Variants in RHNO1 observed in about 807,000 individuals in gnomAD.
RHNO1 encodes the protein RAD9-HUS1-RAD1 interacting nuclear orphan 1, also known as RAD9, HUS1, RAD1-interacting nuclear orphan protein 1.
A neutral mutation model predicts 7.2 loss-of-function variants in RHNO1; 9 were observed. The observed-to-expected ratio is 1.25, with a 90% CI of 0.75 to 2.18. The LOEUF is 2.18. RHNO1 is among the 30% of genes most tolerant of loss of function. The pLI is 0.00. For synonymous variants in RHNO1, 95 were observed against 107.5 expected, an observed-to-expected ratio of 0.88 and a Z score of 0.72; for missense variants, 292 against 284.5, an observed-to-expected ratio of 1.03 and a Z score of -0.19.
intron 1 of RHNO1, among the ~76,000 whole-genome samples, chr12:2,881,163 C>T (rs765828442): frequency 1.3e-5 from 2 of 151,976 alleles, no homozygotes; most frequent in Non-Finnish European, 2.9e-5. Context: ...AGTGCAGTGG[C>T]GTGATCTCGG....
chr12:2,883,522 T>A lies in RHNO1; in HGVS notation c.-84-1761T>A, dbSNP rs1405094152. On this transcript the variant is annotated intron_variant, in intron 1 of 2. Coordinates refer to ENST00000489288, the MANE Select transcript of RHNO1 (RefSeq NM_001252499.3). ...ATATATATATATATATTTTTTTTTT[T>A]TTTTTTTTTTTTGAGACGGAGTTTC... Among the ~76,000 whole-genome samples the A allele has an allele frequency of 2.8e-5, 3 of 106,070 alleles. No homozygotes were observed. The East Asian group carries it at 7.8e-4, about 28-fold the overall frequency. 69.6% of individuals were successfully genotyped at this position (106,070 alleles called of 152,430 possible).
intron 1 of RHNO1, among the ~76,000 whole-genome samples, chr12:2,880,068 C>G (rs2153944342): frequency 6.6e-6 from 1 of 152,136 alleles, no homozygotes; most frequent in East Asian, 1.9e-4. Flanking sequence ...AATCCTAGCA[C>G]TTCAGGAGGC....
intron 1 of RHNO1, among the ~76,000 whole-genome samples, chr12:2,882,081 C>T (rs980086460): frequency 6.6e-6 from 1 of 151,818 alleles, no homozygotes; most frequent in Non-Finnish European, 1.5e-5. Flanking sequence ...AGCTGCAACT[C>T]TCATTTACCT....
intron 2 of RHNO1, 145 bp downstream of exon 2, chr12:2,885,679 A>G (rs1603503260): frequency 6.2e-6 from 4 of 649,568 alleles, no homozygotes; most frequent in African/African-American, 2.0e-5. Flanking sequence ...GGTTCACACC[A>G]TTCTCCTGCC....
chr12:2,880,563 G>A (rs943392024), intron 1 of RHNO1, among the ~76,000 whole-genome samples: 2 of 150,274 alleles, frequency 1.3e-5, no homozygotes, highest in East Asian at 2.0e-4. Context: ...GCAGTGAGCC[G>A]AGATCACGCT....
intron 2 of RHNO1, 27 bp downstream of exon 2, chr12:2,885,561 ATTTTTT>A (rs10558952): frequency 8.9e-4 from 356 of 398,946 alleles, no homozygotes; most frequent in South Asian, 1.3e-3. Flanking sequence ...ACTATTTGAC[ATTTTTT>A]TTTTTTTTTT....
At chr12:2,885,237 G>A (rs1392873657) in intron 1 of RHNO1, 46 bp from the exon 2 acceptor site, 1 of 802,304 alleles carries the variant, frequency 1.2e-6, no homozygotes, top group Non-Finnish European at 2.0e-6. Flanking sequence ...AAGAACTGGG[G>A]AATCATCTGA....
rs2098167716 is a variant in RHNO1, at chr12:2,888,048, C to T, written c.306C>T (p.Ser102=). The part of the protein sequence containing the change: ...PHLTFESPQS[S]SSETLGIPLI... ...TAACTTTTGAGAGTCCGCAATCTTC[C>T]AGTTCAGAGACATTGGGGATCCCCT... is the stretch of plus-strand genomic sequence containing the variant. Residue 102 remains serine, a synonymous_variant, in exon 3 of 3, where the codon TCC becomes TCT. Transcript: ENST00000489288. 3 of 1,614,126 alleles carry T rather than the reference C, an allele frequency of 1.9e-6. No homozygotes were observed. Among genetic ancestry groups the T allele is most frequent in the African/African-American group, 1.3e-5 (1 of 75,022 alleles).
chr12:2,887,019 T>G (rs1321955879), intron 2 of RHNO1: 1 of 455,276 alleles, frequency 2.2e-6, no homozygotes, highest in African/African-American at 2.0e-5. Flanking sequence ...AGACCACTGG[T>G]CCCTACCCTC....
In RHNO1 at chr12:2,883,922, C is replaced by T. The variant is rs951980988; in HGVS notation, c.-84-1361C>T. ...TTATTGGAGCTGGATAATTGGTACA[C>T]AGGGTCCATTACATTATTCAGTCTA... is the stretch of plus-strand genomic sequence containing the variant. On this transcript the variant is annotated intron_variant, in intron 1 of 2. Transcript: ENST00000489288. 1.4e-4 allele frequency among the ~76,000 whole-genome samples: 22 copies of T among 152,052 alleles called. 1 individual carries two copies.
intron 1 of RHNO1, among the ~76,000 whole-genome samples, chr12:2,877,622 C>T (rs2098149096): frequency 6.6e-6 from 1 of 152,196 alleles, no homozygotes; most frequent in South Asian, 2.1e-4. Context: ...CGTATTATCT[C>T]CGCTTTCTTC....
intron 2 of RHNO1, chr12:2,887,216 G>A: frequency 3.7e-6 from 1 of 270,762 alleles, no homozygotes; most frequent in East Asian, 8.4e-5. Flanking sequence ...CGTGACTCAT[G>A]CCTGTAATCC....
rs1360595022 is a variant in RHNO1 at position 2,883,486 on chromosome 12, TATATATATATATATATATATATA to T, written c.-84-1796_-84-1774del. On this transcript the variant is annotated intron_variant, in intron 1 of 2. Transcript: ENST00000489288. ...TAATGGGAAGGATAGAATATATATA[TATATATATATATATATATATATA>T]TATTTTTTTTTTTTTTTTTTTTTTT... Among the ~76,000 whole-genome samples, 25 of 28,980 alleles carry T rather than the reference TATATATATATATATATATATATA, an allele frequency of 8.6e-4. 1 individual carries two copies. Among genetic ancestry groups the T allele is most frequent in the Non-Finnish European group, 8.2e-4 (9 of 10,984 alleles). The allele number at this position is 28,980 out of a possible 152,430, so 19.0% of individuals were successfully genotyped here.
chr12:2,877,072 G>GA (rs1168235885), upstream of RHNO1: 3 of 152,054 alleles, frequency 2.0e-5, no homozygotes, highest in East Asian at 5.8e-4. Context: ...AACCCCGGGG[G>GA]ATCCCGGGAG....
chr12:2,881,411 C>CT (rs1465625807), intron 1 of RHNO1, among the ~76,000 whole-genome samples: 1 of 151,936 alleles, frequency 6.6e-6, no homozygotes, highest in African/African-American at 2.4e-5. Context: ...CCTCTCTATA[C>CT]TTTTTATTCC....
At position 2,888,539 on chromosome 12, in the gene RHNO1, T is replaced by C; in HGVS notation, c.*80T>C. The C allele has an allele frequency of 7.6e-7, 1 of 1,317,676 alleles. No homozygotes were observed. Among genetic ancestry groups the C allele is most frequent in the East Asian group, 2.4e-5 (1 of 41,434 alleles). 81.6% of individuals were successfully genotyped at this position (1,317,676 alleles called of 1,614,324 possible). A position where few individuals can be genotyped will look rare whatever the true frequency, so the allele number is the denominator to read the frequency against. On this transcript the variant is annotated 3_prime_UTR_variant, in exon 3 of 3. Transcript: ENST00000489288. The stretch of plus-strand genomic sequence containing the variant: ...ATTCAATTCCTAGGGTTTTTGTTTT[T>C]GTTTTTGAGATGTAATATTGCTCTG...
intron 1 of RHNO1, among the ~76,000 whole-genome samples, chr12:2,878,710 G>C (rs759674849): frequency 4.6e-5 from 7 of 151,892 alleles, no homozygotes; most frequent in Non-Finnish European, 1.0e-4. Context: ...GGAAGAGAAA[G>C]AAGGAGACAG....
chr12:2,879,853 A>C (rs576658589), intron 1 of RHNO1, among the ~76,000 whole-genome samples: 1 of 152,174 alleles, frequency 6.6e-6, no homozygotes, highest in Admixed American at 6.5e-5. Flanking sequence ...GGACTTAGAC[A>C]GCAGAATGAA....
chr12:2,883,494 T>TA lies in RHNO1; in HGVS notation c.-84-1788dup, dbSNP rs1265165073. Reference sequence around the variant, plus strand: ...AGGATAGAATATATATATATATATATATATATATATATATATATTTTTTTT... The same window carrying TA: ...AGGATAGAATATATATATATATATATAATATATATATATATATATTTTTTTT... On this transcript the variant is annotated intron_variant, in intron 1 of 2. Transcript: ENST00000489288. Among the ~76,000 whole-genome samples, 30 of 19,886 alleles carry TA rather than the reference T, an allele frequency of 1.5e-3. 1 individual carries two copies. Among genetic ancestry groups the TA allele is most frequent in the South Asian group, 0.01 (4 of 394 alleles). 13.0% of individuals were successfully genotyped at this position (19,886 alleles called of 152,430 possible). A position where few individuals can be genotyped will look rare whatever the true frequency, so the allele number is the denominator to read the frequency against.
Sources: gnomAD v4.1 joint callset for allele counts (sites outside exome capture counted in the v4.1 genomes callset) on GRCh38, gnomAD v4.1.1 for gene constraint, MANE v1.5 for transcripts, NCBI Gene and HGNC (gene_info 2026-07-23, HGNC 2026-07-21) for gene names.